PCDHGA12: variants seen among roughly 807,000 people sequenced by gnomAD.
PCDHGA12 encodes protocadherin gamma subfamily A, 12.
PCDHGA12 carries 43 observed loss-of-function variants against 61.1 expected under a neutral mutation model. The observed-to-expected ratio is 0.70, with a 90% CI of 0.55 to 0.91. PCDHGA12 has a LOEUF of 0.91. Among genes scored for constraint, PCDHGA12 ranks in the 40% least tolerant of loss-of-function variants. The pLI is 0.00. For missense variants in PCDHGA12, 1,236 were observed against 1,227.7 expected (o/e 1.01, Z -0.10); for synonymous variants, 520 against 542.9 (o/e 0.96, Z 0.59).
intron 1 of PCDHGA12, among the ~76,000 whole-genome samples, chr5:141,472,402 G>A (rs569497172): frequency 8.5e-5 from 13 of 152,160 alleles, no homozygotes; most frequent in South Asian, 2.1e-4. Context: ...TTAGCCAGGC[G>A]TGGTGGCACG....
At chr5:141,504,666 G>T (rs2099839952) in intron 2 of PCDHGA12, among the ~76,000 whole-genome samples, 1 of 107,242 alleles carries the variant, frequency 9.3e-6, no homozygotes, top group South Asian at 3.6e-4. Context: ...AGGGCGGGGG[G>T]TGGGGGTTCT....
Position 141,501,290 on chromosome 5 carries a change from TACACACAC to T in PCDHGA12, c.2484-4066_2484-4059del, listed in dbSNP as rs55762287. 3.7e-3 allele frequency among the ~76,000 whole-genome samples: 499 copies of T among 136,222 alleles called. 2 individuals carry two copies. Among genetic ancestry groups the T allele is most frequent in the Middle Eastern group, 0.033 (9 of 270 alleles). 89.4% of individuals were successfully genotyped at this position (136,222 alleles called of 152,430 possible). On this transcript the variant is annotated intron_variant, in intron 2 of 3. Transcript: ENST00000252085. ...GTCCAGTCTATGGGATATTCCCTTA[TACACACAC>T]ACACACACACACACACACACACACA... is the stretch of plus-strand genomic sequence containing the variant.
At position 141,476,011 on chromosome 5, in the gene PCDHGA12, A is replaced by C. The variant is rs1415142555; in HGVS notation, c.2425-18796A>C. On this transcript the variant is annotated intron_variant, in intron 1 of 3. Coordinates refer to ENST00000252085, the MANE Select transcript of PCDHGA12 (RefSeq NM_003735.3). This position sits in a 1 kb window ranked among gnomAD's most constrained non-coding sequence, Gnocchi z 7.6. The stretch of plus-strand genomic sequence containing the variant: ...GCAAATCAACGGCATCCAGAAAGCC[A>C]TGTCGGACTCGGCGCCCAGCGCCCA... 2.3e-6 allele frequency: 3 copies of C among 1,311,164 alleles called. No homozygotes were observed. Among genetic ancestry groups the C allele is most frequent in the African/African-American group, 1.5e-5 (1 of 68,020 alleles). 81.2% of individuals were successfully genotyped at this position (1,311,164 alleles called of 1,614,324 possible).
chr5:141,476,912 G>A lies in PCDHGA12; in HGVS notation c.2425-17895G>A, dbSNP rs1196222770. 1.9e-6 allele frequency: 3 copies of A among 1,614,098 alleles called. No homozygotes were observed. Among genetic ancestry groups the A allele is most frequent in the Non-Finnish European group, 2.5e-6 (3 of 1,180,048 alleles). On this transcript the variant is annotated intron_variant, in intron 1 of 3. Coordinates refer to ENST00000252085, the MANE Select transcript of PCDHGA12 (RefSeq NM_003735.3). The surrounding 1 kb of genome is among the most constrained non-coding windows in gnomAD (Gnocchi z 7.6). Reference sequence around the variant, plus strand: ...ACCCTCCGGCACGCGCGTGGTACAAGTCCTTGCAACGGATCTGGATGAAGG... The same window carrying A: ...ACCCTCCGGCACGCGCGTGGTACAAATCCTTGCAACGGATCTGGATGAAGG...
At chr5:141,450,364 T>G (rs2098678485) in intron 1 of PCDHGA12, among the ~76,000 whole-genome samples, 1 of 152,188 alleles carries the variant, frequency 6.6e-6, no homozygotes, top group Admixed American at 6.5e-5. Flanking sequence ...TCCTCAGCCT[T>G]GTTTGTTTAT....
At chr5:141,465,032 A>C (rs2154568703) in intron 1 of PCDHGA12, among the ~76,000 whole-genome samples, 1 of 151,870 alleles carries the variant, frequency 6.6e-6, no homozygotes, top group Admixed American at 6.6e-5. Context: ...ATGAACCACC[A>C]CAAATGACCC....
chr5:141,431,868 A>G lies in PCDHGA12; in HGVS notation c.1109A>G (p.Asn370Ser), dbSNP rs755283039. The change falls in exon 1 of 4, where the codon AAT (asparagine) becomes AGT (serine). Residue 370 changes from asparagine to serine, a missense_variant. Coordinates refer to ENST00000252085, the MANE Select transcript of PCDHGA12 (RefSeq NM_003735.3). This position sits in a 1 kb window ranked among gnomAD's most constrained non-coding sequence, Gnocchi z 4.8. ...SPRGTLIALLNVNDQDSEENG... is the reference protein window; with the variant it reads ...SPRGTLIALLSVNDQDSEENG... ...AGAGGGACATTAATTGCCCTTTTAAATGTAAATGACCAAGATTCTGAGGAA... is the reference window on the plus strand; with the variant it reads ...AGAGGGACATTAATTGCCCTTTTAAGTGTAAATGACCAAGATTCTGAGGAA... 4.3e-6 allele frequency: 7 copies of G among 1,614,102 alleles called. No individual in the cohort carries two copies. In the South Asian group the frequency reaches 6.6e-5, roughly 15 times the overall value.
Position 141,459,075 on chromosome 5 carries a change from G to C in PCDHGA12, c.2424+25892G>C, listed in dbSNP as rs562572838. ...GTATAATTTATATAACATAAAATTT[G>C]CCTTTTAAAATTATACAGTGCAATG... On this transcript the variant is annotated intron_variant, in intron 1 of 3. Transcript: ENST00000252085. 4.6e-5 allele frequency among the ~76,000 whole-genome samples: 7 copies of C among 152,252 alleles called. No individual in the cohort carries two copies. The East Asian group carries it at 1.4e-3, about 29-fold the overall frequency.
chr5:141,450,838 T>A (rs2098698352), intron 1 of PCDHGA12, among the ~76,000 whole-genome samples: 1 of 149,278 alleles, frequency 6.7e-6, no homozygotes, highest in African/African-American at 2.5e-5. Flanking sequence ...TATTTTTTTT[T>A]TTTTGAGATG....
At chr5:141,502,946 C>T (rs900624216) in intron 2 of PCDHGA12, among the ~76,000 whole-genome samples, 13 of 145,572 alleles carry the variant, frequency 8.9e-5, no homozygotes, top group African/African-American at 2.6e-4. Flanking sequence ...TGGGTTCAAG[C>T]GATTCTCCTG....
chr5:141,471,112 G>A (rs1442344944), intron 1 of PCDHGA12, among the ~76,000 whole-genome samples: 3 of 147,914 alleles, frequency 2.0e-5, no homozygotes, highest in Non-Finnish European at 4.4e-5. Flanking sequence ...GCAGTGGTGC[G>A]ATCTTACCTT....
intron 1 of PCDHGA12, among the ~76,000 whole-genome samples, chr5:141,444,462 C>T (rs1314366280): frequency 3.3e-5 from 5 of 152,002 alleles, no homozygotes; most frequent in African/African-American, 9.7e-5. Flanking sequence ...TGAGTCACTG[C>T]GCCCGGTCGC....
intron 1 of PCDHGA12, among the ~76,000 whole-genome samples, chr5:141,437,829 C>T (rs2097913718): frequency 6.6e-6 from 1 of 151,986 alleles, no homozygotes; most frequent in Admixed American, 6.6e-5. Flanking sequence ...CCTCTGCCTC[C>T]TGGGTTCATG....
intron 1 of PCDHGA12, among the ~76,000 whole-genome samples, chr5:141,448,711 C>T (rs62379167): frequency 0.23 from 35,567 of 151,844 alleles, 4,336 homozygotes; most frequent in Admixed American, 0.32. Context: ...GAGGCCGAGG[C>T]GGGAGGATCA....
At position 141,431,192 on chromosome 5, in the gene PCDHGA12, A is replaced by T. The variant is rs769745353; in HGVS notation, c.433A>T (p.Asn145Tyr). 8.7e-6 allele frequency: 14 copies of T among 1,614,042 alleles called. No homozygotes were observed. Among genetic ancestry groups the T allele is most frequent in the African/African-American group, 2.7e-5 (2 of 74,912 alleles). The change falls in exon 1 of 4, where the codon AAT becomes TAT. Residue 145 changes from asparagine (N) to tyrosine (Y), a missense_variant. Asn to Tyr is a moderately radical substitution (Grantham distance 143). Coordinates refer to ENST00000252085, the MANE Select transcript of PCDHGA12 (RefSeq NM_003735.3). This position sits in a 1 kb window ranked among gnomAD's most constrained non-coding sequence, Gnocchi z 4.8. ...ESELEIKISE[N>Y]AATEMRFPLP... is the part of the protein sequence containing the mutation. ...TGAATTAGAAATAAAAATTAGTGAA[A>T]ATGCAGCCACTGAGATGCGGTTCCC...
intron 1 of PCDHGA12, among the ~76,000 whole-genome samples, chr5:141,457,926 GGGCTTTTATT>G (rs1398565105): frequency 6.6e-6 from 1 of 151,120 alleles, no homozygotes; most frequent in Non-Finnish European, 1.5e-5. Context: ...TCTCCCCAAG[GGGCTTTTATT>G]GGCTCTGCAT....
At chr5:141,478,625 T>A in intron 1 of PCDHGA12, 3 of 1,554,218 alleles carry the variant, frequency 1.9e-6, no homozygotes, top group Non-Finnish European at 2.6e-6. Context: ...ATGGAGCTGT[T>A]TTTTTAGTGA....
At chr5:141,453,652 T>C (rs1302902554) in intron 1 of PCDHGA12, among the ~76,000 whole-genome samples, 1 of 152,252 alleles carries the variant, frequency 6.6e-6, no homozygotes, top group Non-Finnish European at 1.5e-5. Context: ...TTATGTCCTC[T>C]TCTTTCTTAC....
intron 3 of PCDHGA12, among the ~76,000 whole-genome samples, chr5:141,509,539 A>G (rs749824780): frequency 1.3e-5 from 2 of 152,160 alleles, no homozygotes; most frequent in East Asian, 1.9e-4. Context: ...ATGAAGCACC[A>G]TCTCATTTAG....
Sources: allele counts gnomAD v4.1 joint callset (sites outside exome capture counted in the v4.1 genomes callset), GRCh38; gene constraint gnomAD v4.1.1; non-coding constraint Gnocchi (gnomAD v3.1); transcripts MANE v1.5; gene names NCBI Gene and HGNC (gene_info 2026-07-23, HGNC 2026-07-21).